SKA2: variants seen among roughly 807,000 people sequenced by gnomAD.
SKA2 encodes spindle and kinetochore associated complex subunit 2, also known as spindle and kinetochore-associated protein 2.
SKA2 carries 13 observed loss-of-function variants against 16.9 expected under a neutral mutation model. The ratio of observed to expected loss-of-function variants is 0.77; its 90% CI spans 0.50 to 1.22. The LOEUF (loss-of-function observed/expected upper bound fraction) is 1.22. Among genes scored for constraint, SKA2 ranks in the 50% most tolerant of loss-of-function variants. SKA2 has a pLI of 0.00. For missense variants in SKA2, 107 were observed against 139.7 expected, an observed-to-expected ratio of 0.77 and a Z score of 1.18; for synonymous variants, 47 against 48.5, an observed-to-expected ratio of 0.97 and a Z score of 0.13.
intron 1 of SKA2, among the ~76,000 whole-genome samples, chr17:59,148,425 A>AAAAATG (rs1568311953): frequency 6.6e-6 from 1 of 152,036 alleles, no homozygotes; most frequent in African/African-American, 2.4e-5. Flanking sequence ...AAATAAAAAT[A>AAAAATG]AAAAAATTTT....
chr17:59,137,434 A>G (rs1423390937), intron 1 of SKA2, among the ~76,000 whole-genome samples: 1 of 152,228 alleles, frequency 6.6e-6, no homozygotes, highest in East Asian at 1.9e-4. Context: ...GTAGTATGGT[A>G]CAGAAAAATA....
At chr17:59,120,931 T>C (rs1254880391) in intron 2 of SKA2, among the ~76,000 whole-genome samples, 3 of 151,958 alleles carry the variant, frequency 2.0e-5, no homozygotes, top group Admixed American at 6.6e-5. Flanking sequence ...GGCGGGCAGA[T>C]CATGAGGTCA....
chr17:59,121,940 C>G (rs1028464000), intron 2 of SKA2, among the ~76,000 whole-genome samples: 3 of 151,142 alleles, frequency 2.0e-5, no homozygotes, highest in Non-Finnish European at 4.4e-5. Context: ...CCACTGCACT[C>G]CAGCCTAACC....
At chr17:59,132,743 A>AG (rs1261803422) in intron 1 of SKA2, among the ~76,000 whole-genome samples, 3 of 152,206 alleles carry the variant, frequency 2.0e-5, no homozygotes, top group East Asian at 1.9e-4. Flanking sequence ...AAAATACTTA[A>AG]GGGGGGGCTT....
intron 3 of SKA2, among the ~76,000 whole-genome samples, chr17:59,119,117 C>T (rs1377880007): frequency 6.6e-6 from 1 of 152,178 alleles, no homozygotes; most frequent in Non-Finnish European, 1.5e-5. Context: ...CAGCACAATT[C>T]TTTATTAACC....
chr17:59,142,154 G>A lies in SKA2; in HGVS notation c.34-10787C>T, dbSNP rs537836765. On this transcript the variant is annotated intron_variant, in intron 1 of 3. Coordinates refer to ENST00000330137, the MANE Select transcript of SKA2 (RefSeq NM_182620.4). ...GATACAGGCAGAAGTGAAGAAATGG[G>A]GTGAATTATTCACTTTACCACAATT... 2.6e-5 allele frequency among the ~76,000 whole-genome samples: 4 copies of A among 152,144 alleles called. No homozygotes were observed. In the South Asian group the frequency reaches 8.3e-4, roughly 32 times the overall value.
chr17:59,129,358 T>C lies in SKA2; in HGVS notation c.120+1923A>G, dbSNP rs58446742. 608 of 136,842 alleles carry C rather than the reference T, an allele frequency of 4.4e-3. 1 individual carries two copies. Among genetic ancestry groups the C allele is most frequent in the African/African-American group, 5.1e-3 (181 of 35,470 alleles). The allele number at this position is 136,842 out of a possible 1,614,324, so 8.5% of individuals were successfully genotyped here. A position where few individuals can be genotyped will look rare whatever the true frequency, so the allele number is the denominator to read the frequency against. On this transcript the variant is annotated intron_variant, in intron 2 of 3. Transcript: ENST00000330137. The stretch of plus-strand genomic sequence containing the variant: ...AGTGAGACCCTATCTTAAACACACA[T>C]ACACACACACACACACACACACACA...
chr17:59,121,066 C>T (rs945802595), intron 2 of SKA2, among the ~76,000 whole-genome samples: 2 of 150,620 alleles, frequency 1.3e-5, no homozygotes, highest in South Asian at 2.1e-4. Flanking sequence ...GCAGGAGAAT[C>T]GCTTGAACCC....
intron 3 of SKA2, among the ~76,000 whole-genome samples, chr17:59,114,478 A>C (rs1599655853): frequency 6.6e-6 from 1 of 152,240 alleles, no homozygotes; most frequent in Non-Finnish European, 1.5e-5. Context: ...TGAATACCGT[A>C]GGCAGTGGTA....
chr17:59,116,714 G>GTCCTTCTT, intron 3 of SKA2, among the ~76,000 whole-genome samples: 1 of 147,080 alleles, frequency 6.8e-6, no homozygotes, highest in Admixed American at 6.8e-5. Context: ...TCCTTTTCTT[G>GTCCTTCTT]TCCTTCTTGT....
At chr17:59,144,610 T>C (rs1179027290) in intron 1 of SKA2, among the ~76,000 whole-genome samples, 1 of 152,140 alleles carries the variant, frequency 6.6e-6, no homozygotes, top group Non-Finnish European at 1.5e-5. Flanking sequence ...TGCAATATGC[T>C]GCCACAAAAA....
chr17:59,130,455 T>TACAAAAAAA (rs2046404552), intron 2 of SKA2, among the ~76,000 whole-genome samples: 1 of 33,010 alleles, frequency 3.0e-5, no homozygotes, highest in Non-Finnish European at 6.0e-5. Context: ...CTACTAAAAA[T>TACAAAAAAA]ACAAAAAAAA....
At chr17:59,120,183 C>CA (rs1292382992) in intron 2 of SKA2, among the ~76,000 whole-genome samples, 1 of 152,138 alleles carries the variant, frequency 6.6e-6, no homozygotes, top group Non-Finnish European at 1.5e-5. Context: ...GCTGGGATTA[C>CA]AGGTGTGAGC....
At chr17:59,145,407 A>G (rs957070278) in intron 1 of SKA2, among the ~76,000 whole-genome samples, 14 of 152,150 alleles carry the variant, frequency 9.2e-5, no homozygotes, top group African/African-American at 3.4e-4. Flanking sequence ...GGACGTTCAC[A>G]TGTACTATTT....
rs371988469 is a variant in SKA2 at position 59,115,399 on chromosome 17, G to A, written c.298-3054C>T. 2.0e-5 allele frequency among the ~76,000 whole-genome samples: 3 copies of A among 152,136 alleles called. No individual in the cohort carries two copies. In the South Asian group the frequency reaches 6.2e-4, roughly 32 times the overall value. ...TAGCCACATTACGTTATGTAAATAG[G>A]ACAGCCCAAATCTAGAACAGCCACA... On this transcript the variant is annotated intron_variant, in intron 3 of 3. Transcript: ENST00000330137.
intron 1 of SKA2, among the ~76,000 whole-genome samples, chr17:59,154,549 T>G (rs1384451092): frequency 1.3e-5 from 2 of 152,186 alleles, no homozygotes; most frequent in African/African-American, 4.8e-5. Context: ...CTCACACCTC[T>G]TCCCTCACCC....
intron 2 of SKA2, 24 bp from the exon 3 acceptor site, chr17:59,119,519 T>A: frequency 6.3e-7 from 1 of 1,599,834 alleles, no homozygotes. Context: ...AAAGTGAACA[T>A]GTATTAAATT....
chr17:59,152,148 TA>T (rs1175793695), intron 1 of SKA2, among the ~76,000 whole-genome samples: 2 of 152,186 alleles, frequency 1.3e-5, no homozygotes, highest in African/African-American at 4.8e-5. Context: ...TCACTAGTAG[TA>T]CCACGAAAGA....
chr17:59,154,938 C>G (rs2046611261), intron 1 of SKA2, 193 bp downstream of exon 1: 2 of 1,611,978 alleles, frequency 1.2e-6, no homozygotes, highest in Non-Finnish European at 8.5e-7. Context: ...GACGAGTTTC[C>G]CGGATGTAAC....
Sources: gnomAD v4.1 joint callset for allele counts (sites outside exome capture counted in the v4.1 genomes callset) on GRCh38, gnomAD v4.1.1 for gene constraint, MANE v1.5 for transcripts, NCBI Gene and HGNC (gene_info 2026-07-23, HGNC 2026-07-21) for gene names.